PTPRD: variants seen among roughly 807,000 people sequenced by gnomAD.
PTPRD encodes receptor-type tyrosine-protein phosphatase delta.
Under a neutral mutation model 214.5 loss-of-function variants are expected in PTPRD, and 34 were observed. The observed-to-expected ratio is 0.16, with a 90% CI of 0.12 to 0.21. The LOEUF (loss-of-function observed/expected upper bound fraction) is 0.21. Among genes scored for constraint, PTPRD ranks in the 10% least tolerant of loss-of-function variants. The pLI is 1.00. For synonymous variants in PTPRD, 1,128 were observed against 845.7 expected (o/e 1.33, Z -5.79); for missense variants, 2,545 against 2,398.7 (o/e 1.06, Z -1.27).
chr9:10,271,293 G>A (rs2094404263), intron 3 of PTPRD, among the ~76,000 whole-genome samples: 1 of 151,952 alleles, frequency 6.6e-6, no homozygotes, highest in Non-Finnish European at 1.5e-5. Context: ...ATGTACATTT[G>A]CATTTTTAGG....
chr9:9,342,925 C>T (rs147620729), intron 9 of PTPRD, among the ~76,000 whole-genome samples: 5 of 151,924 alleles, frequency 3.3e-5, no homozygotes, highest in Non-Finnish European at 5.9e-5. Flanking sequence ...ATGTTCCCTT[C>T]CCTGTTTCCA....
At chr9:9,645,964 CACA>C (rs147432400) in intron 7 of PTPRD, among the ~76,000 whole-genome samples, 2,817 of 152,170 alleles carry the variant, frequency 0.019, 81 homozygotes, top group African/African-American at 0.064. Context: ...TATTTTAATG[CACA>C]ACATTTTCTT....
At chr9:10,275,610 G>C (rs1296407280) in intron 3 of PTPRD, among the ~76,000 whole-genome samples, 2 of 152,066 alleles carry the variant, frequency 1.3e-5, no homozygotes, top group Admixed American at 6.6e-5. Flanking sequence ...TATTGGGATA[G>C]ACTACCAAAA....
At chr9:9,324,454 T>G (rs1308679193) in intron 9 of PTPRD, among the ~76,000 whole-genome samples, 1 of 152,186 alleles carries the variant, frequency 6.6e-6, no homozygotes, top group Non-Finnish European at 1.5e-5. Context: ...TGATGAGCAT[T>G]TTTTCATGTG....
At chr9:8,965,595 T>A (rs1247792353) in intron 11 of PTPRD, among the ~76,000 whole-genome samples, 4 of 152,104 alleles carry the variant, frequency 2.6e-5, no homozygotes, top group Non-Finnish European at 5.9e-5. Context: ...ATGCCCTTCT[T>A]TGTCCTTTTT....
intron 3 of PTPRD, among the ~76,000 whole-genome samples, chr9:10,247,582 T>C (rs943141603): frequency 3.3e-5 from 5 of 152,212 alleles, no homozygotes; most frequent in Non-Finnish European, 7.3e-5. Flanking sequence ...GTCACATTTG[T>C]GTCATTTCCA....
At chr9:9,108,485 A>G (rs528783756) in intron 10 of PTPRD, among the ~76,000 whole-genome samples, 17 of 152,280 alleles carry the variant, frequency 1.1e-4, no homozygotes, top group Admixed American at 2.6e-4. Flanking sequence ...TCACTCTTAC[A>G]AAGTCCACCC....
chr9:8,965,594 T>C (rs550848223), intron 11 of PTPRD, among the ~76,000 whole-genome samples: 1 of 152,230 alleles, frequency 6.6e-6, no homozygotes, highest in Admixed American at 6.5e-5. Context: ...AATGCCCTTC[T>C]TTGTCCTTTT....
intron 10 of PTPRD, among the ~76,000 whole-genome samples, chr9:9,059,052 G>C (rs181971084): frequency 1.3e-5 from 2 of 152,224 alleles, no homozygotes; most frequent in East Asian, 3.9e-4. Context: ...AAGAGAAGGA[G>C]AAAGACTTGG....
intron 8 of PTPRD, among the ~76,000 whole-genome samples, chr9:9,479,214 C>T (rs1022608908): frequency 6.4e-5 from 2 of 31,484 alleles, no homozygotes; most frequent in South Asian, 1.7e-3. Context: ...TACACACACA[C>T]GCCCCCCCCC....
At chr9:9,148,195 T>A (rs2154485997) in intron 10 of PTPRD, among the ~76,000 whole-genome samples, 1 of 152,300 alleles carries the variant, frequency 6.6e-6, no homozygotes, top group African/African-American at 2.4e-5. Flanking sequence ...AAAAATTGCA[T>A]GTTTTACTTT....
chr9:9,268,724 C>A (rs1004554104), intron 9 of PTPRD, among the ~76,000 whole-genome samples: 1 of 149,854 alleles, frequency 6.7e-6, no homozygotes, highest in Non-Finnish European at 1.5e-5. Flanking sequence ...ATCAACTCAT[C>A]TTCAATGAAG....
At chr9:10,324,211 GC>G (rs2096604227) in intron 3 of PTPRD, among the ~76,000 whole-genome samples, 3 of 152,004 alleles carry the variant, frequency 2.0e-5, no homozygotes, top group Non-Finnish European at 4.4e-5. Flanking sequence ...TGATCAATAT[GC>G]AACCCCTTAT....
intron 12 of PTPRD, among the ~76,000 whole-genome samples, chr9:8,729,983 G>A (rs574721233): frequency 1.4e-3 from 218 of 152,318 alleles, no homozygotes; most frequent in Non-Finnish European, 2.0e-3. Flanking sequence ...TAGGCCGGGC[G>A]TGGTGGCTCA....
chr9:9,075,395 T>G (rs1296891826), intron 10 of PTPRD, among the ~76,000 whole-genome samples: 1 of 152,066 alleles, frequency 6.6e-6, no homozygotes, highest in Non-Finnish European at 1.5e-5. Flanking sequence ...TATTATTCAT[T>G]CGATATCGGT....
At chr9:10,084,927 G>C (rs10119035) in intron 3 of PTPRD, among the ~76,000 whole-genome samples, 2 of 151,516 alleles carry the variant, frequency 1.3e-5, no homozygotes, top group African/African-American at 4.8e-5. Context: ...CTCAACTCTC[G>C]TAGATAAAAA....
Position 9,024,348 on chromosome 9 carries a change from G to GTTTTT in PTPRD, c.-142-5614_-142-5613insAAAAA, listed in dbSNP as rs752607769. On this transcript the variant is annotated intron_variant, in intron 10 of 45. Coordinates refer to ENST00000381196, the MANE Select transcript of PTPRD (RefSeq NM_002839.4). ...TATTGTCGATTCTTTGTTTTTTTTT[G>GTTTTT]TTTGTTTTTTTTTTTTTCCTGTATA... is the stretch of plus-strand genomic sequence containing the variant. Among the ~76,000 whole-genome samples the GTTTTT allele has an allele frequency of 5.5e-4, 35 of 64,160 alleles. 1 individual carries two copies. Among genetic ancestry groups the GTTTTT allele is most frequent in the Admixed American group, 8.4e-4 (4 of 4,744 alleles). 42.1% of individuals were successfully genotyped at this position (64,160 alleles called of 152,430 possible). A position where few individuals can be genotyped will look rare whatever the true frequency, so the allele number is the denominator to read the frequency against.
chr9:8,696,967 CTCTT>C (rs2097923434), intron 12 of PTPRD, among the ~76,000 whole-genome samples: 1 of 136,630 alleles, frequency 7.3e-6, no homozygotes, highest in African/African-American at 3.1e-5. Flanking sequence ...TTTTAGTTTT[CTCTT>C]TCTTTTAAAA....
intron 3 of PTPRD, among the ~76,000 whole-genome samples, chr9:10,259,862 T>C (rs79088190): frequency 0.011 from 1,741 of 152,240 alleles, 42 homozygotes; most frequent in African/African-American, 0.036. Context: ...GACGTCACAC[T>C]TTTGAAGATG....
Sources: allele counts gnomAD v4.1 joint callset (sites outside exome capture counted in the v4.1 genomes callset), GRCh38; gene constraint gnomAD v4.1.1; transcripts MANE v1.5; gene names NCBI Gene and HGNC (gene_info 2026-07-23, HGNC 2026-07-21).